Variants in EPHA3 observed in about 807,000 individuals in gnomAD.
The protein encoded by EPHA3 is ephrin type-A receptor 3.
A neutral mutation model predicts 107.1 loss-of-function variants in EPHA3; 42 were observed. That is an observed-to-expected ratio of 0.39 (90% CI 0.31 to 0.51). EPHA3 has a LOEUF of 0.51. Ranked by LOEUF, EPHA3 falls within the 20% of genes least tolerant of loss-of-function variation. The pLI is 0.78. For missense variants in EPHA3, 1,183 were observed against 1,211.2 expected, an observed-to-expected ratio of 0.98 and a Z score of 0.35; for synonymous variants, 461 against 424.8, an observed-to-expected ratio of 1.09 and a Z score of -1.05.
chr3:89,151,951 C>T (rs1211241554), intron 2 of EPHA3, among the ~76,000 whole-genome samples: 1 of 152,022 alleles, frequency 6.6e-6, no homozygotes, highest in Non-Finnish European at 1.5e-5. Context: ...GAGGCCTTTA[C>T]AGAAGGCTGC....
Position 89,476,769 on chromosome 3 carries a change from C to G in EPHA3, c.2847-2628C>G, listed in dbSNP as rs191199950. Among the ~76,000 whole-genome samples the G allele has an allele frequency of 3.5e-4, 53 of 151,514 alleles. No individual in the cohort carries two copies. In the Middle Eastern group the frequency reaches 0.01, roughly 29 times the overall value. The stretch of plus-strand genomic sequence containing the variant: ...AGTACAGGCGCCCGCCACCACGCCC[C>G]GCTAATTTTTTTGTATTTTTAATAG... On this transcript the variant is annotated intron_variant, in intron 16 of 16. Transcript: ENST00000336596.
At chr3:89,444,649 C>A (rs1709847078) in intron 13 of EPHA3, among the ~76,000 whole-genome samples, 1 of 152,094 alleles carries the variant, frequency 6.6e-6, no homozygotes, top group Admixed American at 6.5e-5. Flanking sequence ...ACAGGCATAA[C>A]ATTTATTGAA....
intron 3 of EPHA3, among the ~76,000 whole-genome samples, chr3:89,276,046 A>C (rs1705797498): frequency 6.6e-6 from 1 of 152,092 alleles, no homozygotes; most frequent in South Asian, 2.1e-4. Context: ...GAGAAAAAGC[A>C]GAGGTAGAAA....
chr3:89,275,087 G>A (rs1254192996), intron 3 of EPHA3, among the ~76,000 whole-genome samples: 2 of 152,020 alleles, frequency 1.3e-5, no homozygotes, highest in African/African-American at 2.4e-5. Flanking sequence ...TAGATAGTAA[G>A]TAGTTTAATT....
rs1160963389 is a variant in EPHA3 at position 89,348,540 on chromosome 3, A to G, written c.1306+6450A>G. On this transcript the variant is annotated intron_variant, in intron 5 of 16. Transcript: ENST00000336596. ...TATTAGTCTTGCTAGCGGTCTATCAATTTTGTTGATCCTCTCAAAAAACCA... is the reference window on the plus strand; with the variant it reads ...TATTAGTCTTGCTAGCGGTCTATCAGTTTTGTTGATCCTCTCAAAAAACCA... Among the ~76,000 whole-genome samples, 12 of 139,162 alleles carry G rather than the reference A, an allele frequency of 8.6e-5. No individual in the cohort carries two copies. The South Asian group carries it at 8.9e-4, about 10-fold the overall frequency. The allele number at this position is 139,162 out of a possible 152,430, so 91.3% of individuals were successfully genotyped here.
At chr3:89,328,821 C>T (rs980423481) in intron 3 of EPHA3, among the ~76,000 whole-genome samples, 3 of 152,262 alleles carry the variant, frequency 2.0e-5, no homozygotes, top group African/African-American at 7.2e-5. Flanking sequence ...CAATGCTAGG[C>T]ATGGAGTAGG....
intron 2 of EPHA3, 122 bp from the exon 3 acceptor site, chr3:89,209,738 A>T: frequency 1.2e-6 from 1 of 843,828 alleles, no homozygotes; most frequent in Non-Finnish European, 1.7e-6. Context: ...AAAACTACAA[A>T]CAAGAATGTT....
intron 3 of EPHA3, among the ~76,000 whole-genome samples, chr3:89,304,298 C>T (rs1052425884): frequency 3.3e-5 from 5 of 152,070 alleles, no homozygotes; most frequent in African/African-American, 4.8e-5. Context: ...TTATTCCCAA[C>T]GTAGACATGG....
chr3:89,432,646 G>A, intron 13 of EPHA3, among the ~76,000 whole-genome samples: 1 of 152,110 alleles, frequency 6.6e-6, no homozygotes, highest in East Asian at 1.9e-4. Context: ...ACAAGTAAAT[G>A]TCTAATAATC....
chr3:89,478,732 A>G (rs1710567533), intron 16 of EPHA3, among the ~76,000 whole-genome samples: 1 of 152,212 alleles, frequency 6.6e-6, no homozygotes, highest in Non-Finnish European at 1.5e-5. Context: ...TGTTAGCTGA[A>G]GCAGTCCCCA....
At position 89,209,866 on chromosome 3, in the gene EPHA3, G is replaced by A; in HGVS notation, c.160G>A (p.Glu54Lys). The change falls in exon 3 of 17, where the codon GAG (glutamate) becomes AAG (lysine). Residue 54 changes from glutamate to lysine, a missense_variant. By Grantham distance (56) the Glu-to-Lys change is moderately conservative. Coordinates refer to ENST00000336596, the MANE Select transcript of EPHA3 (RefSeq NM_005233.6). Reference sequence around the variant, plus strand: ...TTTCTCTTTGATTCTTCAGTGGGAAGAGATCAGTGGTGTGGATGAACATTA... The same window carrying A: ...TTTCTCTTTGATTCTTCAGTGGGAAAAGATCAGTGGTGTGGATGAACATTA... ...WISYPSHGWEEISGVDEHYTP... is the reference protein window; with the variant it reads ...WISYPSHGWEKISGVDEHYTP... 1 of 1,592,016 alleles carries A rather than the reference G, an allele frequency of 6.3e-7. No homozygotes were observed. Among genetic ancestry groups the A allele is most frequent in the Non-Finnish European group, 8.6e-7 (1 of 1,168,064 alleles).
chr3:89,411,937 A>G (rs1709160641), intron 9 of EPHA3, among the ~76,000 whole-genome samples: 1 of 151,956 alleles, frequency 6.6e-6, no homozygotes, highest in African/African-American at 2.4e-5. Flanking sequence ...ATTTAATGTA[A>G]TGAATGAAAA....
chr3:89,393,414 A>G (rs1240726672), intron 5 of EPHA3, among the ~76,000 whole-genome samples: 4 of 152,190 alleles, frequency 2.6e-5, no homozygotes, highest in Non-Finnish European at 5.9e-5. Context: ...TACAATCCTC[A>G]TCGCAATTGT....
At chr3:89,273,908 G>A (rs559842806) in intron 3 of EPHA3, among the ~76,000 whole-genome samples, 10 of 151,732 alleles carry the variant, frequency 6.6e-5, no homozygotes, top group African/African-American at 9.7e-5. Context: ...CTGTGCTTTC[G>A]GGCCATTTTA....
chr3:89,435,053 G>A (rs757664568), intron 13 of EPHA3, among the ~76,000 whole-genome samples: 1 of 151,774 alleles, frequency 6.6e-6, no homozygotes, highest in East Asian at 1.9e-4. Flanking sequence ...TAAATATGAG[G>A]TATGGTTATG....
At chr3:89,418,515 A>G (rs1254667659) in intron 10 of EPHA3, among the ~76,000 whole-genome samples, 2 of 151,474 alleles carry the variant, frequency 1.3e-5, no homozygotes, top group Non-Finnish European at 3.0e-5. Context: ...GTAACACTCT[A>G]TATGGGACAA....
chr3:89,193,955 T>G (rs1456866414), intron 2 of EPHA3, among the ~76,000 whole-genome samples: 1 of 152,034 alleles, frequency 6.6e-6, no homozygotes, highest in Non-Finnish European at 1.5e-5. Context: ...TATTTCATTA[T>G]TTTTGCTTGT....
At chr3:89,290,954 G>A (rs531852822) in intron 3 of EPHA3, among the ~76,000 whole-genome samples, 1 of 152,116 alleles carries the variant, frequency 6.6e-6, no homozygotes, top group African/African-American at 2.4e-5. Context: ...TGAATACCAA[G>A]GGTATATTGA....
intron 16 of EPHA3, among the ~76,000 whole-genome samples, chr3:89,476,589 A>T (rs536197736): frequency 2.8e-5 from 3 of 108,914 alleles, no homozygotes; most frequent in African/African-American, 6.8e-5. Flanking sequence ...TATTATTTTT[A>T]TTTATTTATT....
Sources: gnomAD v4.1 joint callset for allele counts (sites outside exome capture counted in the v4.1 genomes callset) on GRCh38, gnomAD v4.1.1 for gene constraint, MANE v1.5 for transcripts, NCBI Gene and HGNC (gene_info 2026-07-23, HGNC 2026-07-21) for gene names.